Variants in LRBA observed in about 807,000 individuals in gnomAD.
LRBA encodes lipopolysaccharide-responsive and beige-like anchor protein.
Under a neutral mutation model 330.0 loss-of-function variants are expected in LRBA, and 176 were observed. The ratio of observed to expected loss-of-function variants is 0.53; its 90% CI spans 0.47 to 0.60. The LOEUF is 0.60. LRBA is among the 20% of genes least tolerant of loss of function. The pLI is 0.00. For missense variants in LRBA, 3,259 were observed against 3,444.8 expected, an observed-to-expected ratio of 0.95 and a Z score of 1.35; for synonymous variants, 1,230 against 1,193.0, an observed-to-expected ratio of 1.03 and a Z score of -0.64.
intron 28 of LRBA, among the ~76,000 whole-genome samples, chr4:150,839,584 G>T (rs1748733212): frequency 6.6e-6 from 1 of 152,210 alleles, no homozygotes; most frequent in Admixed American, 6.5e-5. Flanking sequence ...TATATCCTTT[G>T]TAGGGACATG....
chr4:150,964,361 T>C (rs1160489033), intron 2 of LRBA, among the ~76,000 whole-genome samples: 3 of 149,766 alleles, frequency 2.0e-5, no homozygotes, highest in East Asian at 3.9e-4. Flanking sequence ...ATGATGACGA[T>C]GGCGGTTTTG....
rs901092389 is a variant in LRBA at position 150,583,809 on chromosome 4, C to G, written c.6330+4239G>C. 1 of 1,614,086 alleles carries G rather than the reference C, an allele frequency of 6.2e-7. No homozygotes were observed. The highest frequency in any genetic ancestry group is 8.5e-7 in the Non-Finnish European group (1 of 1,180,054). The stretch of plus-strand genomic sequence containing the variant: ...CAGTGCTGAAGACTCTGCGGGACCG[C>G]CACCTGGAGCTACCCGGCCAGCCGC... On this transcript the variant is annotated intron_variant, in intron 40 of 56. Transcript: ENST00000651943. This position sits in a 1 kb window ranked among gnomAD's most constrained non-coding sequence, Gnocchi z 9.8.
intron 40 of LRBA, among the ~76,000 whole-genome samples, chr4:150,571,657 T>G (rs1033853111): frequency 2.1e-5 from 3 of 143,158 alleles, no homozygotes; most frequent in African/African-American, 2.6e-5. Context: ...TTGTTTTTTT[T>G]TTTTTTTTTT....
chr4:150,416,822 T>C (rs908678855), intron 46 of LRBA, among the ~76,000 whole-genome samples: 4 of 152,106 alleles, frequency 2.6e-5, no homozygotes, highest in African/African-American at 4.8e-5. Flanking sequence ...CTAACACTTA[T>C]TGCATGGTAT....
In LRBA at chr4:150,828,388, T is replaced by C. The variant is rs755415978; in HGVS notation, c.4963A>G (p.Lys1655Glu). Residue 1655 changes from lysine (K) to glutamate (E), a missense_variant, in exon 30 of 57, where the codon AAA (lysine) becomes GAA (glutamate). Lys to Glu is a moderately conservative substitution (Grantham distance 56). Transcript: ENST00000651943. ...SLEVNKSPET[K>E]NDRGNDLDTK... ...TCCAAGTCATTTCCTCTATCATTTT[T>C]GGTTTCCGGAGACTTATTGACTTCT... 5.6e-6 allele frequency: 9 copies of C among 1,614,010 alleles called. No individual in the cohort carries two copies. The highest frequency in any genetic ancestry group is 7.6e-6 in the Non-Finnish European group (9 of 1,180,018).
At chr4:150,745,442 G>C (rs1191546895) in intron 35 of LRBA, among the ~76,000 whole-genome samples, 2 of 150,028 alleles carry the variant, frequency 1.3e-5, no homozygotes, top group East Asian at 3.9e-4. Flanking sequence ...AAGGGCAAAA[G>C]CAACAAAAAG....
intron 47 of LRBA, among the ~76,000 whole-genome samples, chr4:150,409,722 T>G (rs997484022): frequency 2.6e-5 from 4 of 152,132 alleles, no homozygotes; most frequent in African/African-American, 9.7e-5. Context: ...TAAATAAATG[T>G]GGGGAGAATT....
intron 44 of LRBA, among the ~76,000 whole-genome samples, chr4:150,452,459 T>C (rs1383206802): frequency 6.6e-6 from 1 of 151,878 alleles, no homozygotes; most frequent in Non-Finnish European, 1.5e-5. Flanking sequence ...CCATCTCTAC[T>C]AAAAATACAA....
At chr4:150,439,605 C>T (rs373340103) in intron 44 of LRBA, among the ~76,000 whole-genome samples, 9 of 152,248 alleles carry the variant, frequency 5.9e-5, no homozygotes, top group South Asian at 4.1e-4. Context: ...ATACATTACG[C>T]GAAAGCACTG....
intron 26 of LRBA, among the ~76,000 whole-genome samples, chr4:150,848,141 A>G (rs758459484): frequency 1.3e-5 from 2 of 152,008 alleles, no homozygotes; most frequent in African/African-American, 2.4e-5. Context: ...CAGCCTCCCA[A>G]GTAGCTGGGA....
intron 46 of LRBA, among the ~76,000 whole-genome samples, chr4:150,432,450 G>GTTTTTTTT: frequency 1.4e-5 from 1 of 70,856 alleles, no homozygotes; most frequent in Non-Finnish European, 3.0e-5. Context: ...ATTTAAGTGT[G>GTTTTTTTT]TTCTTTTTTT....
chr4:150,800,797 T>G (rs4696634), intron 33 of LRBA, among the ~76,000 whole-genome samples: 1 of 152,088 alleles, frequency 6.6e-6, no homozygotes, highest in Non-Finnish European at 1.5e-5. Context: ...TTGGTTTGAT[T>G]ATTTTTTGGT....
intron 56 of LRBA, among the ~76,000 whole-genome samples, chr4:150,273,484 G>C (rs1405739777): frequency 1.3e-5 from 2 of 152,128 alleles, no homozygotes; most frequent in African/African-American, 4.8e-5. Context: ...AATGTAAATG[G>C]ACTAAATGCT....
chr4:150,432,003 T>C (rs892409963), intron 46 of LRBA, among the ~76,000 whole-genome samples: 2 of 152,148 alleles, frequency 1.3e-5, no homozygotes, highest in Non-Finnish European at 2.9e-5. Flanking sequence ...CAATTTTGGG[T>C]AATATTATTC....
chr4:150,572,027 A>G (rs1300851034), intron 40 of LRBA, among the ~76,000 whole-genome samples: 1 of 152,042 alleles, frequency 6.6e-6, no homozygotes, highest in Admixed American at 6.6e-5. Context: ...AAATTATTTT[A>G]TATCCCTTTT....
intron 14 of LRBA, among the ~76,000 whole-genome samples, chr4:150,899,427 G>A (rs1346700163): frequency 1.3e-5 from 2 of 152,118 alleles, no homozygotes; most frequent in Non-Finnish European, 2.9e-5. Flanking sequence ...GGAACTGCCA[G>A]TTTATATGAG....
intron 2 of LRBA, among the ~76,000 whole-genome samples, chr4:150,981,150 A>G (rs545380170): frequency 2.4e-3 from 359 of 152,070 alleles, no homozygotes; most frequent in African/African-American, 8.3e-3. Context: ...GCAGTGGCTC[A>G]CGCCTGTAAT....
At chr4:150,713,931 T>C (rs527484864) in intron 36 of LRBA, among the ~76,000 whole-genome samples, 1 of 152,330 alleles carries the variant, frequency 6.6e-6, no homozygotes, top group South Asian at 2.1e-4. Context: ...TGGCTGCTGA[T>C]GGAGATCAGA....
chr4:150,791,414 C>G lies in LRBA; in HGVS notation c.5580+6667G>C, dbSNP rs573858694. Among the ~76,000 whole-genome samples, 36 of 152,320 alleles carry G rather than the reference C, an allele frequency of 2.4e-4. No homozygotes were observed. In the South Asian group the frequency reaches 6.6e-3, roughly 28 times the overall value. On this transcript the variant is annotated intron_variant, in intron 34 of 56. Transcript: ENST00000651943. ...ATTATCTTATATTACAATTATTTGT[C>G]TCGCTCACTAATTGTCTCTTCTACT...
Sources: gnomAD v4.1 joint callset for allele counts (sites outside exome capture counted in the v4.1 genomes callset) on GRCh38, gnomAD v4.1.1 for gene constraint, Gnocchi (gnomAD v3.1) non-coding constraint, MANE v1.5 for transcripts, NCBI Gene and HGNC (gene_info 2026-07-23, HGNC 2026-07-21) for gene names.